NTRK2: variants seen among roughly 807,000 people sequenced by gnomAD.
NTRK2 encodes the protein neurotrophic receptor tyrosine kinase 2.
Under a neutral mutation model 94.5 loss-of-function variants are expected in NTRK2, and 13 were observed. The ratio of observed to expected loss-of-function variants is 0.14; its 90% CI spans 0.09 to 0.22. The LOEUF (loss-of-function observed/expected upper bound fraction) is 0.22, where lower values mean the gene tolerates loss of function less well. Among genes scored for constraint, NTRK2 ranks in the 10% least tolerant of loss-of-function variants. The pLI is 1.00. For missense variants in NTRK2, 639 were observed against 1,071.2 expected (o/e 0.60, Z 5.63); for synonymous variants, 372 against 407.4 (o/e 0.91, Z 1.05).
Position 84,923,838 on chromosome 9 carries a change from C to T in NTRK2, c.1634-10324C>T, listed in dbSNP as rs192750271. 2.0e-3 allele frequency among the ~76,000 whole-genome samples: 297 copies of T among 151,738 alleles called. 1 individual carries two copies. Among genetic ancestry groups the T allele is most frequent in the Middle Eastern group, 6.8e-3 (2 of 294 alleles). ...GAGGTTGAGCCCGGGAGGCGGAGGTCGCAGTGAACTGAGATCGCGCCACTG... is the reference window on the plus strand; with the variant it reads ...GAGGTTGAGCCCGGGAGGCGGAGGTTGCAGTGAACTGAGATCGCGCCACTG... On this transcript the variant is annotated intron_variant, in intron 14 of 18. Transcript: ENST00000277120.
chr9:84,919,108 C>A (rs1194531885), intron 14 of NTRK2, among the ~76,000 whole-genome samples: 2 of 152,140 alleles, frequency 1.3e-5, no homozygotes, highest in East Asian at 3.9e-4. Context: ...GCAGAGGAAT[C>A]CTAGTCCTAC....
intron 9 of NTRK2, among the ~76,000 whole-genome samples, chr9:84,732,573 A>G (rs914559957): frequency 6.6e-6 from 1 of 152,176 alleles, no homozygotes; most frequent in African/African-American, 2.4e-5. Flanking sequence ...TAGAATCTCA[A>G]TTGAGAAATG....
chr9:84,730,499 G>T (rs1274463659), intron 9 of NTRK2, among the ~76,000 whole-genome samples: 1 of 129,002 alleles, frequency 7.8e-6, no homozygotes, highest in Non-Finnish European at 1.6e-5. Context: ...CCAGCACTTT[G>T]GGAGGCCGAG....
chr9:84,823,074 G>A (rs903596947), intron 12 of NTRK2, among the ~76,000 whole-genome samples: 1 of 152,000 alleles, frequency 6.6e-6, no homozygotes. Context: ...TGGTTAAAAG[G>A]GCTTCTACTA....
In NTRK2 at chr9:85,025,250, A is replaced by G. The variant is rs1375654760; in HGVS notation, c.*3813A>G. ...TTTCTCTGGCTCCTTGCAAAGAAAG[A>G]TACTTTTTGTAATGGTCCAGGAAAG... On this transcript the variant is annotated 3_prime_UTR_variant, in exon 19 of 19. Coordinates refer to ENST00000277120, the MANE Select transcript of NTRK2 (RefSeq NM_006180.6). 4.3e-6 allele frequency: 1 copy of G among 233,104 alleles called. No homozygotes were observed. Among genetic ancestry groups the G allele is most frequent in the East Asian group, 6.0e-5 (1 of 16,596 alleles). 14.4% of individuals were successfully genotyped at this position (233,104 alleles called of 1,614,324 possible). A position where few individuals can be genotyped will look rare whatever the true frequency, so the allele number is the denominator to read the frequency against.
At chr9:84,796,217 C>T (rs937846144) in intron 12 of NTRK2, among the ~76,000 whole-genome samples, 3 of 152,172 alleles carry the variant, frequency 2.0e-5, no homozygotes, top group Non-Finnish European at 4.4e-5. Flanking sequence ...CCTTTCATAT[C>T]TGCTATCCTC....
intron 4 of NTRK2, among the ~76,000 whole-genome samples, chr9:84,706,144 A>T (rs994064086): frequency 6.6e-6 from 1 of 152,182 alleles, no homozygotes; most frequent in African/African-American, 2.4e-5. Context: ...GGCACATTTT[A>T]CAACTTCCTG....
At chr9:85,018,875 C>T (rs1832529568) in intron 17 of NTRK2, among the ~76,000 whole-genome samples, 1 of 152,222 alleles carries the variant, frequency 6.6e-6, no homozygotes, top group Non-Finnish European at 1.5e-5. Context: ...TGGAAGCCAA[C>T]TTAGCCTTTA....
chr9:84,707,747 A>G, intron 4 of NTRK2, 97 bp from the exon 5 acceptor site: 1 of 952,520 alleles, frequency 1.0e-6, no homozygotes, highest in African/African-American at 1.6e-5. Flanking sequence ...TAATGATCAA[A>G]TAAAATTATA....
rs1020642732 is a variant in NTRK2, at chr9:84,974,845, G to A, written c.2172+19328G>A. Among the ~76,000 whole-genome samples the A allele has an allele frequency of 9.9e-5, 15 of 152,116 alleles. 1 individual carries two copies. Among genetic ancestry groups the A allele is most frequent in the Non-Finnish European group, 2.2e-4 (15 of 68,012 alleles). ...TTCCCTAAGCAGCCTCAAGGAAGTC[G>A]CCGGCTGTTTGGGAGTTAAGGGGAG... On this transcript the variant is annotated intron_variant, in intron 17 of 18. Transcript: ENST00000277120.
intron 5 of NTRK2, among the ~76,000 whole-genome samples, chr9:84,710,378 G>T (rs1209657546): frequency 6.6e-6 from 1 of 151,924 alleles, no homozygotes; most frequent in African/African-American, 2.4e-5. Context: ...CCTATATTTT[G>T]GCTATTTCTG....
chr9:84,742,619 C>T (rs2063731725), intron 10 of NTRK2, among the ~76,000 whole-genome samples: 1 of 152,006 alleles, frequency 6.6e-6, no homozygotes. Flanking sequence ...GGTCATAGTC[C>T]ATTCTTGCCC....
intron 12 of NTRK2, chr9:84,811,290 A>G (rs1339581845): frequency 1.9e-6 from 2 of 1,066,074 alleles, no homozygotes; most frequent in Non-Finnish European, 2.3e-6. Flanking sequence ...ACAAAACAAA[A>G]CAAAACAAAC....
At chr9:84,821,351 A>G (rs913522671) in intron 12 of NTRK2, among the ~76,000 whole-genome samples, 4 of 151,430 alleles carry the variant, frequency 2.6e-5, no homozygotes, top group Non-Finnish European at 4.4e-5. Flanking sequence ...ACACACCCCT[A>G]TGGAATAGGA....
At chr9:84,915,396 G>A (rs1005425022) in intron 14 of NTRK2, among the ~76,000 whole-genome samples, 2 of 152,174 alleles carry the variant, frequency 1.3e-5, no homozygotes, top group Non-Finnish European at 2.9e-5. Flanking sequence ...GAGAGAATCA[G>A]TTCTCACACT....
chr9:84,866,470 C>T (rs901828782), intron 13 of NTRK2, among the ~76,000 whole-genome samples: 1 of 152,312 alleles, frequency 6.6e-6, no homozygotes, highest in East Asian at 1.9e-4. Flanking sequence ...ATTCCCAGAA[C>T]AACTTTCAAT....
At chr9:84,681,896 C>T (rs190625163) in intron 2 of NTRK2, among the ~76,000 whole-genome samples, 15 of 152,254 alleles carry the variant, frequency 9.9e-5, no homozygotes, top group Middle Eastern at 3.4e-3. Context: ...ATTACATGGA[C>T]CAGAATGCAC....
chr9:84,898,258 C>T (rs916367842), intron 14 of NTRK2, among the ~76,000 whole-genome samples: 4 of 152,158 alleles, frequency 2.6e-5, no homozygotes, highest in African/African-American at 9.7e-5. Flanking sequence ...ATGGTGCCAT[C>T]ACTTTTTCAG....
intron 14 of NTRK2, among the ~76,000 whole-genome samples, chr9:84,930,962 C>T (rs79304648): frequency 0.053 from 7,998 of 152,250 alleles, 289 homozygotes; most frequent in Admixed American, 0.11. Context: ...ACTCAAATAA[C>T]ATAGTCAAGT....
Sources: gnomAD v4.1 joint callset for allele counts (sites outside exome capture counted in the v4.1 genomes callset) on GRCh38, gnomAD v4.1.1 for gene constraint, MANE v1.5 for transcripts, NCBI Gene and HGNC (gene_info 2026-07-23, HGNC 2026-07-21) for gene names.